SEMA3A: variants seen among roughly 807,000 people sequenced by gnomAD.
SEMA3A encodes semaphorin-3A.
Under a neutral mutation model 97.9 loss-of-function variants are expected in SEMA3A, and 29 were observed. The ratio of observed to expected loss-of-function variants is 0.30; its 90% CI spans 0.22 to 0.40. The LOEUF (loss-of-function observed/expected upper bound fraction) is 0.40. Ranked by LOEUF, SEMA3A falls within the 10% of genes least tolerant of loss-of-function variation. The pLI, the probability that SEMA3A is intolerant of heterozygous loss-of-function variation, is 1.00. For missense variants in SEMA3A, 763 were observed against 951.3 expected (o/e 0.80, Z 2.60); for synonymous variants, 321 against 323.7 (o/e 0.99, Z 0.09).
Position 84,435,783 on chromosome 7 carries a change from A to C in SEMA3A, c.-246+56677T>G, listed in dbSNP as rs142588830. Among the ~76,000 whole-genome samples the C allele has an allele frequency of 4.1e-3, 619 of 152,318 alleles. 5 individuals are homozygous for C. The highest frequency in any genetic ancestry group is 0.014 in the African/African-American group (592 of 41,580). ...CTACAGATTCAACACTATATCTATC[A>C]AACTACCAATGTCATTTTTTCACAG... On this transcript the variant is annotated intron_variant, in intron 1 of 3. Transcript: ENST00000424555.
At chr7:84,197,888 C>T (rs1006481114), upstream of SEMA3A, among the ~76,000 whole-genome samples, 1 of 150,744 alleles carries the variant, frequency 6.6e-6, no homozygotes, top group African/African-American at 2.4e-5. Context: ...TACAGGCACA[C>T]GCCGCCACGC....
chr7:84,155,229 A>G (rs533599819), intron 1 of SEMA3A, among the ~76,000 whole-genome samples: 2 of 152,282 alleles, frequency 1.3e-5, no homozygotes, highest in East Asian at 1.9e-4. Context: ...GATTCTGCCT[A>G]TGATTGAATC....
At chr7:84,313,262 T>C (rs2115873991) in intron 2 of SEMA3A, among the ~76,000 whole-genome samples, 1 of 143,576 alleles carries the variant, frequency 7.0e-6, no homozygotes, top group Admixed American at 7.1e-5. Context: ...CATCTCGCCT[T>C]CCATTTTTCT....
rs1385754876 is a variant in SEMA3A at position 84,110,444 on chromosome 7, T to C, written c.453+26A>G. On this transcript the variant is annotated intron_variant, in intron 4 of 16. Transcript: ENST00000265362. ...TGAATAGAAAGGGGTCATGGACAAA[T>C]ATAATTTTTAAAAAGCCAGCGTTAC... 6 of 1,612,426 alleles carry C rather than the reference T, an allele frequency of 3.7e-6. No individual in the cohort carries two copies. In the South Asian group the frequency reaches 5.5e-5, roughly 15 times the overall value.
chr7:83,963,252 G>A lies in SEMA3A; in HGVS notation c.1813C>T (p.Leu605=). Residue 605 remains leucine, a synonymous_variant, in exon 16 of 17, where the codon CTG becomes TTG. Coordinates refer to ENST00000265362, the MANE Select transcript of SEMA3A (RefSeq NM_006080.3). The stretch of plus-strand genomic sequence containing the variant: ...CGCCTCTGGAATTGCCAATAGACCA[G>A]CGCTCTCTGCGACTTCGGACTGCAT... ...LECSPKSQRA[L]VYWQFQRRNE... 1.9e-6 allele frequency: 3 copies of A among 1,613,612 alleles called. No homozygotes were observed. The highest frequency in any genetic ancestry group is 2.5e-6 in the Non-Finnish European group (3 of 1,179,994).
At chr7:84,124,292 T>C (rs762855969) in intron 3 of SEMA3A, among the ~76,000 whole-genome samples, 1 of 152,198 alleles carries the variant, frequency 6.6e-6, no homozygotes, top group African/African-American at 2.4e-5. Context: ...TCATTTCCAG[T>C]GGACTTTTCG....
chr7:84,255,988 A>G (rs1035744793), intron 3 of SEMA3A, among the ~76,000 whole-genome samples: 5 of 152,066 alleles, frequency 3.3e-5, no homozygotes, highest in African/African-American at 1.2e-4. Context: ...TATAATATAT[A>G]ATTAGCATCT....
chr7:83,986,229 A>G (rs922437251), intron 12 of SEMA3A, among the ~76,000 whole-genome samples: 4 of 152,180 alleles, frequency 2.6e-5, no homozygotes, highest in African/African-American at 9.6e-5. Flanking sequence ...CCAGCTGACA[A>G]GGACTACAAG....
chr7:84,281,955 G>A (rs488333), intron 3 of SEMA3A, among the ~76,000 whole-genome samples: 112,999 of 152,046 alleles, frequency 0.74, 42,638 homozygotes, highest in African/African-American at 0.87. Context: ...TGGATATCTA[G>A]AAGAACACAG....
intron 1 of SEMA3A, among the ~76,000 whole-genome samples, chr7:84,155,593 A>G (rs1426500039): frequency 6.6e-6 from 1 of 152,120 alleles, no homozygotes; most frequent in Admixed American, 6.6e-5. Context: ...CTTGGCTTGC[A>G]TTACTTGTTT....
intron 3 of SEMA3A, among the ~76,000 whole-genome samples, chr7:84,231,024 CTAT>C (rs1799105228): frequency 6.6e-6 from 1 of 151,836 alleles, no homozygotes; most frequent in Admixed American, 6.6e-5. Context: ...CGCTATACTA[CTAT>C]GTTTCTGATT....
chr7:84,437,314 G>C (rs1805157674), intron 1 of SEMA3A, among the ~76,000 whole-genome samples: 1 of 152,000 alleles, frequency 6.6e-6, no homozygotes, highest in Non-Finnish European at 1.5e-5. Context: ...CTAGTAATTA[G>C]TTTTATTGCT....
chr7:84,051,167 G>T (rs1406750206), intron 5 of SEMA3A, among the ~76,000 whole-genome samples: 1 of 147,862 alleles, frequency 6.8e-6, no homozygotes, highest in African/African-American at 2.5e-5. Context: ...TTGTTCTTTT[G>T]GCTTAGGATT....
At chr7:84,093,866 GCAAACCA>G (rs1268986385) in intron 4 of SEMA3A, among the ~76,000 whole-genome samples, 4 of 150,954 alleles carry the variant, frequency 2.6e-5, no homozygotes, top group African/African-American at 9.8e-5. Flanking sequence ...GATAAGTGCA[GCAAACCA>G]CCATGGCACA....
At chr7:84,400,633 A>G (rs56390985) in intron 1 of SEMA3A, among the ~76,000 whole-genome samples, 1 of 152,268 alleles carries the variant, frequency 6.6e-6, no homozygotes, top group African/African-American at 2.4e-5. Flanking sequence ...CAAGATCTAG[A>G]AAATAGCCTC....
At chr7:84,261,412 GA>G (rs1436933166) in intron 3 of SEMA3A, among the ~76,000 whole-genome samples, 1 of 151,864 alleles carries the variant, frequency 6.6e-6, no homozygotes, top group Non-Finnish European at 1.5e-5. Flanking sequence ...TGATGAGAAG[GA>G]AAAAAAAGCT....
chr7:84,311,070 G>A (rs73384901), intron 2 of SEMA3A, among the ~76,000 whole-genome samples: 1,539 of 151,356 alleles, frequency 0.01, 36 homozygotes, highest in African/African-American at 0.036. Flanking sequence ...CTAAAATCAT[G>A]CAAATTTAAG....
At chr7:84,180,380 T>A (rs532108727) in intron 1 of SEMA3A, among the ~76,000 whole-genome samples, 2 of 152,124 alleles carry the variant, frequency 1.3e-5, no homozygotes, top group Non-Finnish European at 2.9e-5. Context: ...GAAAATTTTG[T>A]ATTTTTTAAA....
intron 4 of SEMA3A, among the ~76,000 whole-genome samples, chr7:84,089,991 TG>T (rs1270052117): frequency 6.6e-6 from 1 of 152,010 alleles, no homozygotes; most frequent in Non-Finnish European, 1.5e-5. Flanking sequence ...TATTATATGA[TG>T]GATGATTTGA....
Sources: gnomAD v4.1 joint callset for allele counts (sites outside exome capture counted in the v4.1 genomes callset) on GRCh38, gnomAD v4.1.1 for gene constraint, MANE v1.5 for transcripts, NCBI Gene and HGNC (gene_info 2026-07-23, HGNC 2026-07-21) for gene names.